Variants in CAMKMT observed in about 807,000 individuals in gnomAD.
The protein encoded by CAMKMT is CaM KMT.
Under a neutral mutation model 48.0 loss-of-function variants are expected in CAMKMT, and 53 were observed. The observed-to-expected ratio is 1.10, with a 90% CI of 0.89 to 1.39. The LOEUF is 1.39. Ranked by LOEUF, CAMKMT falls within the 40% of genes most tolerant of loss-of-function variation. CAMKMT has a pLI of 0.00. For missense variants in CAMKMT, 428 were observed against 402.7 expected, an observed-to-expected ratio of 1.06 and a Z score of -0.54; for synonymous variants, 165 against 152.3, an observed-to-expected ratio of 1.08 and a Z score of -0.61.
intron 3 of CAMKMT, among the ~76,000 whole-genome samples, chr2:44,413,637 G>T (rs1385142777): frequency 2.7e-5 from 4 of 150,130 alleles, no homozygotes; most frequent in Non-Finnish European, 5.9e-5. Context: ...GGGTGACAGA[G>T]TGAGACTCCG....
rs183305466 is a variant in CAMKMT, at chr2:44,393,468, T to C, written c.376+3163T>C. ...ACGACCCAACCTTCTTTTTATATATTTATATTTACTATGGTGGAAAACAAA... is the reference window on the plus strand; with the variant it reads ...ACGACCCAACCTTCTTTTTATATATCTATATTTACTATGGTGGAAAACAAA... On this transcript the variant is annotated intron_variant, in intron 3 of 10. Coordinates refer to ENST00000378494, the MANE Select transcript of CAMKMT (RefSeq NM_024766.5). The C allele has an allele frequency of 3.9e-5, 6 of 152,188 alleles. No homozygotes were observed. In the East Asian group the frequency reaches 9.6e-4, roughly 24 times the overall value. The allele number at this position is 152,188 out of a possible 1,614,324, so 9.4% of individuals were successfully genotyped here. A position where few individuals can be genotyped will look rare whatever the true frequency, so the allele number is the denominator to read the frequency against.
chr2:44,667,500 C>T (rs1675063813), intron 3 of CAMKMT, among the ~76,000 whole-genome samples: 1 of 152,196 alleles, frequency 6.6e-6, no homozygotes, highest in South Asian at 2.1e-4. Flanking sequence ...TTAAGACACT[C>T]CCTCTTATTT....
At chr2:44,486,083 G>C (rs1255249786) in intron 3 of CAMKMT, among the ~76,000 whole-genome samples, 1 of 152,178 alleles carries the variant, frequency 6.6e-6, no homozygotes, top group Non-Finnish European at 1.5e-5. Flanking sequence ...TCATGCCTCA[G>C]CCTCCTGAGT....
intron 9 of CAMKMT, among the ~76,000 whole-genome samples, chr2:44,758,734 C>T (rs1286992600): frequency 2.0e-5 from 3 of 152,170 alleles, no homozygotes; most frequent in Non-Finnish European, 4.4e-5. Context: ...TCATTGTATT[C>T]CTTAAAAGTC....
At chr2:44,650,232 C>T (rs560121742) in intron 3 of CAMKMT, among the ~76,000 whole-genome samples, 1 of 152,136 alleles carries the variant, frequency 6.6e-6, no homozygotes, top group Non-Finnish European at 1.5e-5. Flanking sequence ...CAATCTTTGG[C>T]GTCCCTGGGC....
At chr2:44,727,302 C>T (rs112757336) in intron 7 of CAMKMT, among the ~76,000 whole-genome samples, 22 of 152,134 alleles carry the variant, frequency 1.4e-4, no homozygotes, top group African/African-American at 5.3e-4. Context: ...CTTTCAGCAG[C>T]GTTTTATAGT....
chr2:44,374,986 C>T (rs111373414), intron 2 of CAMKMT, among the ~76,000 whole-genome samples: 3,750 of 152,072 alleles, frequency 0.025, 172 homozygotes, highest in African/African-American at 0.086. Context: ...TAAAAATTAG[C>T]CAGGGGTGGT....
At position 44,392,354 on chromosome 2, in the gene CAMKMT, C is replaced by T. The variant is rs549499235; in HGVS notation, c.376+2049C>T. On this transcript the variant is annotated intron_variant, in intron 3 of 10. Coordinates refer to ENST00000378494, the MANE Select transcript of CAMKMT (RefSeq NM_024766.5). ...TTACTTTTTATTTTAACAGAAAAAT[C>T]TATATAGATGTTTCATTTAATGATA... is the stretch of plus-strand genomic sequence containing the variant. Among the ~76,000 whole-genome samples, 7 of 151,990 alleles carry T rather than the reference C, an allele frequency of 4.6e-5. No individual in the cohort carries two copies. The South Asian group carries it at 1.5e-3, about 32-fold the overall frequency.
chr2:44,488,232 C>T (rs1410505848), intron 3 of CAMKMT, among the ~76,000 whole-genome samples: 1 of 152,194 alleles, frequency 6.6e-6, no homozygotes, highest in Non-Finnish European at 1.5e-5. Flanking sequence ...GGCGCGGTGG[C>T]TCACACCTGT....
At chr2:44,536,162 A>T (rs1222485060) in intron 3 of CAMKMT, among the ~76,000 whole-genome samples, 1 of 152,172 alleles carries the variant, frequency 6.6e-6, no homozygotes, top group East Asian at 1.9e-4. Flanking sequence ...GAAGTGAAAG[A>T]CCTGTATTAG....
At chr2:44,513,193 C>T (rs1484644027) in intron 3 of CAMKMT, among the ~76,000 whole-genome samples, 1 of 152,058 alleles carries the variant, frequency 6.6e-6, no homozygotes, top group Non-Finnish European at 1.5e-5. Flanking sequence ...TGCAGACAGC[C>T]AAATTACCCC....
intron 3 of CAMKMT, among the ~76,000 whole-genome samples, chr2:44,683,941 A>G (rs1406425016): frequency 6.6e-6 from 1 of 152,050 alleles, no homozygotes; most frequent in Non-Finnish European, 1.5e-5. Flanking sequence ...ATTGTTTTTC[A>G]TGTCACTAAT....
At chr2:44,590,502 G>A (rs928437735) in intron 3 of CAMKMT, among the ~76,000 whole-genome samples, 3 of 152,138 alleles carry the variant, frequency 2.0e-5, no homozygotes, top group East Asian at 1.9e-4. Flanking sequence ...TTTCTCTGAT[G>A]GCCAGTGATG....
chr2:44,615,516 A>G (rs917920794), intron 3 of CAMKMT, among the ~76,000 whole-genome samples: 12 of 152,136 alleles, frequency 7.9e-5, no homozygotes, highest in African/African-American at 1.2e-4. Context: ...GACGCAAGAT[A>G]ATTCCCAGGT....
At chr2:44,454,819 C>A (rs1017595752) in intron 3 of CAMKMT, among the ~76,000 whole-genome samples, 1 of 152,096 alleles carries the variant, frequency 6.6e-6, no homozygotes, top group Non-Finnish European at 1.5e-5. Flanking sequence ...AAAAGAATTT[C>A]TTGACATGAA....
At chr2:44,575,616 T>C (rs1328031956) in intron 3 of CAMKMT, among the ~76,000 whole-genome samples, 2 of 152,188 alleles carry the variant, frequency 1.3e-5, no homozygotes, top group Non-Finnish European at 2.9e-5. Context: ...ACGCCTGTAA[T>C]CTCAGCACTA....
chr2:44,677,090 TC>T (rs1299181201), intron 3 of CAMKMT, among the ~76,000 whole-genome samples: 8 of 152,228 alleles, frequency 5.3e-5, no homozygotes, highest in Non-Finnish European at 1.2e-4. Context: ...GATTTTCATC[TC>T]CTGAACTGCT....
At chr2:44,369,913 T>A (rs1446023033) in intron 1 of CAMKMT, 1 of 152,226 alleles carries the variant, frequency 6.6e-6, no homozygotes, top group East Asian at 1.9e-4. Flanking sequence ...TGTTAGTGCA[T>A]CTGATTAGTT....
At chr2:44,558,030 T>TTC (rs1558701473) in intron 3 of CAMKMT, among the ~76,000 whole-genome samples, 23 of 137,114 alleles carry the variant, frequency 1.7e-4, no homozygotes, top group African/African-American at 6.3e-4. Flanking sequence ...TTTATTTATT[T>TTC]ATTTATTCAT....
Sources: allele counts gnomAD v4.1 joint callset (sites outside exome capture counted in the v4.1 genomes callset), GRCh38; gene constraint gnomAD v4.1.1; transcripts MANE v1.5; gene names NCBI Gene and HGNC (gene_info 2026-07-23, HGNC 2026-07-21).